Variants in ZNF83 observed in about 807,000 individuals in gnomAD.
The protein encoded by ZNF83 is zinc finger protein 816B.
For synonymous variants in ZNF83, 209 were observed against 213.0 expected, an observed-to-expected ratio of 0.98 and a Z score of 0.17; for missense variants, 552 against 629.9, an observed-to-expected ratio of 0.88 and a Z score of 1.32.
At chr19:52,631,242 C>G (rs912114094) in intron 2 of ZNF83, among the ~76,000 whole-genome samples, 4 of 152,010 alleles carry the variant, frequency 2.6e-5, no homozygotes, top group Non-Finnish European at 4.4e-5. Context: ...GCTCTCCCTG[C>G]TGATCGTGTC....
At chr19:52,690,187 A>G (rs2062129114) in intron 1 of ZNF83, among the ~76,000 whole-genome samples, 1 of 151,422 alleles carries the variant, frequency 6.6e-6, no homozygotes. Context: ...TTTGAGAAAA[A>G]AAAAAAAAAA....
chr19:52,620,270 C>CTCTGTGTGTGTGTGTGTGTGTGTGTG (rs1555780636), intron 2 of ZNF83, among the ~76,000 whole-genome samples: 1 of 144,432 alleles, frequency 6.9e-6, no homozygotes, highest in African/African-American at 2.6e-5. Flanking sequence ...GTGTATATCT[C>CTCTGTGTGTGTGTGTGTGTGTGTGTG]TGTGTGTGTG....
At chr19:52,669,486 T>C (rs762374204) in intron 1 of ZNF83, among the ~76,000 whole-genome samples, 20 of 152,206 alleles carry the variant, frequency 1.3e-4, no homozygotes, top group Non-Finnish European at 2.2e-4. Context: ...CAGCCAGATG[T>C]CTTGGGAAAA....
chr19:52,617,728 CAAAAAAAAAAAA>C (rs60669262), intron 2 of ZNF83: 51 of 118,960 alleles, frequency 4.3e-4, no homozygotes, highest in African/African-American at 1.0e-3. Context: ...GAGATTGTCT[CAAAAAAAAAAAA>C]AAAAAAAAAA....
At chr19:52,635,213 T>A in intron 1 of ZNF83, 60 bp from the exon 2 acceptor site, 1 of 542,338 alleles carries the variant, frequency 1.8e-6, no homozygotes, top group Non-Finnish European at 3.3e-6. Context: ...TCCTGTAACA[T>A]AACAACACAT....
intron 3 of ZNF83, among the ~76,000 whole-genome samples, chr19:52,648,472 G>T (rs2061402662): frequency 6.6e-6 from 1 of 152,158 alleles, no homozygotes; most frequent in Non-Finnish European, 1.5e-5. Flanking sequence ...GAGAGAGAGA[G>T]AGAAAGACAA....
chr19:52,685,897 CAAAAAAAAAAAAAA>C (rs3055370), intron 1 of ZNF83, among the ~76,000 whole-genome samples: 2 of 132,442 alleles, frequency 1.5e-5, no homozygotes, highest in East Asian at 2.4e-4. Flanking sequence ...GTAACTGTCA[CAAAAAAAAAAAAAA>C]AAAAAAAAAA....
Position 52,653,155 on chromosome 19 carries a change from T to C in ZNF83, c.-74+2406A>G, listed in dbSNP as rs566221268. On this transcript the variant is annotated intron_variant, in intron 3 of 5. Transcript: ENST00000594682. Reference sequence around the variant, plus strand: ...ACACTCATGACAGTTGTAAGGTTTTTCTCCGGTATGAAGTCTACGATGGCC... The same window carrying C: ...ACACTCATGACAGTTGTAAGGTTTTCCTCCGGTATGAAGTCTACGATGGCC... The C allele has an allele frequency of 6.9e-5, 103 of 1,485,066 alleles. No homozygotes were observed. The African/African-American group carries it at 1.3e-3, about 19-fold the overall frequency. 92.0% of individuals were successfully genotyped at this position (1,485,066 alleles called of 1,614,324 possible). A position where few individuals can be genotyped will look rare whatever the true frequency, so the allele number is the denominator to read the frequency against.
upstream of ZNF83, among the ~76,000 whole-genome samples, chr19:52,642,703 A>G (rs530909879): frequency 5.3e-5 from 8 of 152,230 alleles, no homozygotes; most frequent in African/African-American, 1.7e-4. Context: ...TACATTTTCC[A>G]TAACAGTAAA....
intron 2 of ZNF83, among the ~76,000 whole-genome samples, chr19:52,659,737 A>T (rs2147274998): frequency 6.6e-6 from 1 of 152,358 alleles, no homozygotes; most frequent in South Asian, 2.1e-4. Flanking sequence ...AAACAAATTC[A>T]ACACCTTAAG....
At chr19:52,634,282 C>CAAT (rs56152633) in intron 2 of ZNF83, among the ~76,000 whole-genome samples, 55 of 148,630 alleles carry the variant, frequency 3.7e-4, no homozygotes, top group Admixed American at 6.7e-4. Context: ...AAAGCAACAA[C>CAAT]AATAATAATA....
At chr19:52,639,223 A>T (rs1056722273), upstream of ZNF83, among the ~76,000 whole-genome samples, 4 of 151,800 alleles carry the variant, frequency 2.6e-5, no homozygotes, top group Admixed American at 6.6e-5. Context: ...AGTAGCTGGG[A>T]TCACAGGGAT....
At chr19:52,688,974 A>G (rs1191512769) in intron 1 of ZNF83, among the ~76,000 whole-genome samples, 1 of 143,244 alleles carries the variant, frequency 7.0e-6, no homozygotes, top group Admixed American at 7.1e-5. Context: ...AAAAAAAAAG[A>G]GAGAGATTAT....
chr19:52,670,267 C>T (rs1213796651), intron 1 of ZNF83, among the ~76,000 whole-genome samples: 2 of 152,274 alleles, frequency 1.3e-5, no homozygotes, highest in East Asian at 1.9e-4. Context: ...CATTCCATAA[C>T]ATTTTTCCTG....
Position 52,636,821 on chromosome 19 carries a change from G to GTT in ZNF83, c.-322+1489_-322+1490dup, listed in dbSNP as rs71304196. On this transcript the variant is annotated intron_variant, in intron 1 of 2. Transcript: ENST00000301096. ...CAGGTGCACACTATCATGCCCGGTTGTTTTTTTTTTTTTTTGGTAGAGATG... is the reference window on the plus strand; with the variant it reads ...CAGGTGCACACTATCATGCCCGGTTGTTTTTTTTTTTTTTTTTGGTAGAGATG... The GTT allele has an allele frequency of 5.7e-3, 782 of 138,192 alleles. 6 individuals carry two copies. The highest frequency in any genetic ancestry group is 6.4e-3 in the Non-Finnish European group (405 of 63,740). 8.6% of individuals were successfully genotyped at this position (138,192 alleles called of 1,614,324 possible).
chr19:52,643,781 T>C (rs1171833558), intron 3 of ZNF83, among the ~76,000 whole-genome samples: 2 of 147,430 alleles, frequency 1.4e-5, no homozygotes, highest in Non-Finnish European at 3.0e-5. Flanking sequence ...TGGGAGGGCA[T>C]GGGAGACATC....
chr19:52,662,170 A>C (rs2061589498), intron 1 of ZNF83, among the ~76,000 whole-genome samples: 1 of 152,202 alleles, frequency 6.6e-6, no homozygotes, highest in African/African-American at 2.4e-5. Context: ...ACTTTTCTTT[A>C]CGTTATAAAT....
chr19:52,658,239 C>A (rs573809096), intron 2 of ZNF83, among the ~76,000 whole-genome samples: 1 of 152,082 alleles, frequency 6.6e-6, no homozygotes, highest in South Asian at 2.1e-4. Flanking sequence ...ATCAAGGACA[C>A]CATCCTACAC....
intron 3 of ZNF83, among the ~76,000 whole-genome samples, chr19:52,650,169 T>C (rs2061424343): frequency 6.6e-6 from 1 of 151,662 alleles, no homozygotes; most frequent in Non-Finnish European, 1.5e-5. Flanking sequence ...AATAAGGAAG[T>C]CAAGGGCTCT....
Sources: gnomAD v4.1 joint callset for allele counts (sites outside exome capture counted in the v4.1 genomes callset) on GRCh38, gnomAD v4.1.1 for gene constraint, MANE v1.5 for transcripts, NCBI Gene and HGNC (gene_info 2026-07-23, HGNC 2026-07-21) for gene names.